ADAMTS9: variants seen among roughly 807,000 people sequenced by gnomAD.
ADAMTS9 encodes ADAM metallopeptidase with thrombospondin type 1 motif 9.
A neutral mutation model predicts 257.1 loss-of-function variants in ADAMTS9; 107 were observed. That is an observed-to-expected ratio of 0.42 (90% confidence interval 0.36 to 0.49). The LOEUF is 0.49. ADAMTS9 is among the 20% of genes least tolerant of loss of function. The pLI is 0.03. For missense variants in ADAMTS9, 2,353 were observed against 2,469.1 expected, an observed-to-expected ratio of 0.95 and a Z score of 1.00; for synonymous variants, 982 against 880.9, an observed-to-expected ratio of 1.11 and a Z score of -2.03.
At position 64,615,396 on chromosome 3, in the gene ADAMTS9, T is replaced by C. The variant is rs1204144683; in HGVS notation, c.3114A>G (p.Thr1038=). ...TCTGAATGGTAACTTTCTCTTGATG[T>C]GTGCATTTGCTGTCATCCAGTACAT... ...RNDVLDDSKC[T]HQEKVTIQRC... is the part of the protein sequence containing the mutation. The change falls in exon 21 of 40, where the codon ACA becomes ACG. Residue 1038 remains threonine, a synonymous_variant. Transcript: ENST00000498707. The C allele has an allele frequency of 1.2e-6, 2 of 1,614,114 alleles. No homozygotes were observed. Among genetic ancestry groups the C allele is most frequent in the Non-Finnish European group, 1.7e-6 (2 of 1,179,966 alleles).
intron 12 of ADAMTS9, among the ~76,000 whole-genome samples, chr3:64,636,214 T>TTTGC (rs949054499): frequency 2.6e-5 from 4 of 152,334 alleles, no homozygotes; most frequent in Admixed American, 6.5e-5. Context: ...AGTTTCCACC[T>TTTGC]TTGCTTGCTT....
intron 27 of ADAMTS9, among the ~76,000 whole-genome samples, chr3:64,595,405 A>G (rs1441272952): frequency 6.6e-6 from 1 of 152,156 alleles, no homozygotes; most frequent in South Asian, 2.1e-4. Flanking sequence ...ATCCAGCAAC[A>G]CTGACATTTG....
intron 38 of ADAMTS9, among the ~76,000 whole-genome samples, chr3:64,531,268 G>C (rs1422766766): frequency 6.6e-6 from 1 of 152,170 alleles, no homozygotes; most frequent in East Asian, 1.9e-4. Flanking sequence ...TCAGGTGAGG[G>C]AGGCAGGTTG....
Position 64,663,922 on chromosome 3 carries a change from TCATTAAAAATAG to T in ADAMTS9, c.680-5143_680-5132del, listed in dbSNP as rs562092090. Among the ~76,000 whole-genome samples the T allele has an allele frequency of 1.0e-3, 155 of 152,258 alleles. 3 individuals carry two copies. The highest frequency in any genetic ancestry group is 3.1e-3 in the African/African-American group (127 of 41,570). ...ATTTTAGCAAGCAACTTTGAATTTCTCATTAAAAATAGCATTAAAAATAGACACTATATCTTA... is the reference window on the plus strand; with the variant it reads ...ATTTTAGCAAGCAACTTTGAATTTCTCATTAAAAATAGACACTATATCTTA... On this transcript the variant is annotated intron_variant, in intron 3 of 39. Transcript: ENST00000498707.
chr3:64,662,233 A>G (rs1173279235), intron 3 of ADAMTS9, among the ~76,000 whole-genome samples: 1 of 151,904 alleles, frequency 6.6e-6, no homozygotes, highest in East Asian at 1.9e-4. Context: ...TTTGTCTGTA[A>G]TGGATTTCTA....
intron 11 of ADAMTS9, 35 bp from the exon 12 acceptor site, chr3:64,642,028 G>A (rs754298419): frequency 6.2e-7 from 1 of 1,611,440 alleles, no homozygotes; most frequent in Non-Finnish European, 8.5e-7. Flanking sequence ...AGGGAGACTT[G>A]GCGCTGTGAG....
chr3:64,619,235 G>A (rs559393433), intron 19 of ADAMTS9, among the ~76,000 whole-genome samples: 4 of 152,044 alleles, frequency 2.6e-5, no homozygotes, highest in Non-Finnish European at 5.9e-5. Context: ...AACCAGTCTC[G>A]TTCTGATTCA....
intron 3 of ADAMTS9, among the ~76,000 whole-genome samples, chr3:64,668,176 C>A (rs1056202493): frequency 6.6e-6 from 1 of 152,196 alleles, no homozygotes; most frequent in African/African-American, 2.4e-5. Context: ...ATCTCCCAAG[C>A]TTGCACTCTC....
At chr3:64,522,932 A>G (rs558714793) in intron 38 of ADAMTS9, among the ~76,000 whole-genome samples, 111 of 152,336 alleles carry the variant, frequency 7.3e-4, no homozygotes, top group African/African-American at 2.5e-3. Context: ...GCTGTGCTAA[A>G]AGAATACAAT....
intron 3 of ADAMTS9, among the ~76,000 whole-genome samples, chr3:64,680,404 C>T (rs1701723690): frequency 6.6e-6 from 1 of 152,034 alleles, no homozygotes; most frequent in South Asian, 2.1e-4. Context: ...AGACGCAGGA[C>T]CAAATTGAGG....
intron 28 of ADAMTS9, among the ~76,000 whole-genome samples, chr3:64,569,238 C>T (rs527561393): frequency 3.7e-4 from 56 of 152,216 alleles, no homozygotes; most frequent in East Asian, 1.2e-3. Context: ...CCCATGGAGT[C>T]GGGACAAAAA....
intron 36 of ADAMTS9, among the ~76,000 whole-genome samples, chr3:64,539,999 C>T (rs2083099799): frequency 6.6e-6 from 1 of 152,230 alleles, no homozygotes; most frequent in South Asian, 2.1e-4. Flanking sequence ...GCCAGGGAGA[C>T]TGGAGGCCAG....
rs756258679 is a variant in ADAMTS9 at position 64,561,611 on chromosome 3, G to A, written c.4665C>T (p.Pro1555=). 6 of 1,613,842 alleles carry A rather than the reference G, an allele frequency of 3.7e-6. No homozygotes were observed. The African/African-American group carries it at 8.0e-5, about 22-fold the overall frequency. ...ATTCCTCTGCCCTCCAAGTGTAGAG[G>A]GGACACCGTGGGCCTTGGCAGTCGC... ...SERDCQGPRC[P]LYTWRAEEWQ... The change falls in exon 30 of 40, where the codon CCC becomes CCT. Residue 1555 remains proline, a synonymous_variant. Transcript: ENST00000498707.
chr3:64,539,920 G>A (rs1367265403), intron 36 of ADAMTS9, among the ~76,000 whole-genome samples: 4 of 152,250 alleles, frequency 2.6e-5, no homozygotes, highest in African/African-American at 4.8e-5. Flanking sequence ...AACCCCTACT[G>A]TAGCTCCTGA....
In ADAMTS9 at chr3:64,633,716, C is replaced by G; in HGVS notation, c.2020G>C (p.Val674Leu). ...INGLLPNVRW[V>L]PKYSGILMKD... ...CACTTACTTCCACTGTATTTAGGGACCCAGCGCACATTGGGAAGCAGACCG... is the reference window on the plus strand; with the variant it reads ...CACTTACTTCCACTGTATTTAGGGAGCCAGCGCACATTGGGAAGCAGACCG... Residue 674 changes from valine (V) to leucine (L), a missense_variant, in exon 13 of 40, where the codon GTC becomes CTC. Coordinates refer to ENST00000498707, the MANE Select transcript of ADAMTS9 (RefSeq NM_182920.2). The G allele has an allele frequency of 6.2e-7, 1 of 1,613,754 alleles. No homozygotes were observed. Among genetic ancestry groups the G allele is most frequent in the Non-Finnish European group, 8.5e-7 (1 of 1,179,966 alleles).
At position 64,613,272 on chromosome 3, in the gene ADAMTS9, A is replaced by G. The variant is rs376752430; in HGVS notation, c.3354+73T>C. 5 of 1,549,860 alleles carry G rather than the reference A, an allele frequency of 3.2e-6. No homozygotes were observed. In the African/African-American group the frequency reaches 6.8e-5, roughly 21 times the overall value. On this transcript the variant is annotated intron_variant, in intron 22 of 39. Coordinates refer to ENST00000498707, the MANE Select transcript of ADAMTS9 (RefSeq NM_182920.2). ...CAGCGGTTAAATCTCCACCACTGGA[A>G]TGCTCCTTTGCAAGTCCTCTCCAGA...
At chr3:64,634,637 C>G (rs963583294) in intron 12 of ADAMTS9, among the ~76,000 whole-genome samples, 2 of 152,182 alleles carry the variant, frequency 1.3e-5, no homozygotes. Context: ...TACAACACAT[C>G]TACCAGCAGT....
intron 38 of ADAMTS9, among the ~76,000 whole-genome samples, chr3:64,528,993 G>A (rs958970139): frequency 9.2e-5 from 14 of 152,094 alleles, no homozygotes; most frequent in South Asian, 4.1e-4. Flanking sequence ...AGCCACTGAC[G>A]GTTTTCACTG....
At chr3:64,640,245 A>C (rs1423723416) in intron 12 of ADAMTS9, among the ~76,000 whole-genome samples, 2 of 152,224 alleles carry the variant, frequency 1.3e-5, no homozygotes, top group Non-Finnish European at 2.9e-5. Flanking sequence ...TAACTTAATT[A>C]ATCATCATCT....
Sources: gnomAD v4.1 joint callset for allele counts (sites outside exome capture counted in the v4.1 genomes callset) on GRCh38, gnomAD v4.1.1 for gene constraint, MANE v1.5 for transcripts, NCBI Gene and HGNC (gene_info 2026-07-23, HGNC 2026-07-21) for gene names.